Variants in SPRYD4 observed in about 807,000 individuals in gnomAD.
SPRYD4 encodes SPRY domain-containing protein 4.
SPRYD4 carries 12 observed loss-of-function variants against 16.6 expected under a neutral mutation model. That is an observed-to-expected ratio of 0.72 (90% CI 0.46 to 1.17). The LOEUF (loss-of-function observed/expected upper bound fraction) is 1.17. SPRYD4 is among the 50% of genes most tolerant of loss of function. SPRYD4 has a pLI of 0.00. For missense variants in SPRYD4, 260 were observed against 260.2 expected, an observed-to-expected ratio of 1.00 and a Z score of 0.00; for synonymous variants, 98 against 105.4, an observed-to-expected ratio of 0.93 and a Z score of 0.43.
In SPRYD4 at chr12:56,472,571, C is replaced by A; in HGVS notation, c.*2994C>A. The A allele has an allele frequency of 3.5e-6, 3 of 859,150 alleles. No homozygotes were observed. The highest frequency in any genetic ancestry group is 3.7e-6 in the Non-Finnish European group (2 of 543,364). The allele number at this position is 859,150 out of a possible 1,614,324, so 53.2% of individuals were successfully genotyped here. ...TTTTTAAAAAAATTTCATTTAAATG[C>A]AATCTATATCCATTCTAATTCCAAA... On this transcript the variant is annotated 3_prime_UTR_variant, in exon 2 of 2. Coordinates refer to ENST00000338146, the MANE Select transcript of SPRYD4 (RefSeq NM_207344.4).
Position 56,477,949 on chromosome 12 carries a change from G to C in SPRYD4, c.*8372G>C, listed in dbSNP as rs190705191. ...AGTGCTCACCTTCCTCATTGAGGGA[G>C]AGCTTGTTGTAGCGCAGGCCACTTG... On this transcript the variant is annotated 3_prime_UTR_variant, in exon 2 of 2. Transcript: ENST00000338146. 3 of 1,613,586 alleles carry C rather than the reference G, an allele frequency of 1.9e-6. No homozygotes were observed. Among genetic ancestry groups the C allele is most frequent in the African/African-American group, 2.7e-5 (2 of 75,070 alleles).
Position 56,479,476 on chromosome 12 carries a change from GTATATT to G in SPRYD4, c.*9905_*9910del, listed in dbSNP as rs1384465185. On this transcript the variant is annotated 3_prime_UTR_variant, in exon 2 of 2. Transcript: ENST00000338146. Reference sequence around the variant, plus strand: ...ATTTAAAAAATCCTAAATCATAAAAGTATATTTATATATATTCATGTATGTATGTCA... The same window carrying G: ...ATTTAAAAAATCCTAAATCATAAAAGTATATATATTCATGTATGTATGTCA... 5.2e-6 allele frequency: 2 copies of G among 381,958 alleles called. No homozygotes were observed. Among genetic ancestry groups the G allele is most frequent in the African/African-American group, 2.1e-5 (1 of 48,332 alleles). 23.7% of individuals were successfully genotyped at this position (381,958 alleles called of 1,614,324 possible). A position where few individuals can be genotyped will look rare whatever the true frequency, so the allele number is the denominator to read the frequency against.
In SPRYD4 at chr12:56,478,157, C is replaced by A; in HGVS notation, c.*8580C>A. 6.2e-7 allele frequency: 1 copy of A among 1,614,236 alleles called. No individual in the cohort carries two copies. Among genetic ancestry groups the A allele is most frequent in the Non-Finnish European group, 8.5e-7 (1 of 1,180,040 alleles). On this transcript the variant is annotated 3_prime_UTR_variant, in exon 2 of 2. Transcript: ENST00000338146. Reference sequence around the variant, plus strand: ...TGTGTTCGGCACCTGTGCCCTGCCTCCCCTTCCTCTTGCCCAGCATCTCAC... The same window carrying A: ...TGTGTTCGGCACCTGTGCCCTGCCTACCCTTCCTCTTGCCCAGCATCTCAC...
chr12:56,468,744 C>A, intron 1 of SPRYD4, 68 bp downstream of exon 1: 2 of 1,533,338 alleles, frequency 1.3e-6, no homozygotes, highest in Non-Finnish European at 9.0e-7. Context: ...AGACCCCACT[C>A]CGAGAAGCAA....
At chr12:56,468,996 T>G (rs1592269348) in intron 1 of SPRYD4, 43 bp from the exon 2 acceptor site, 1 of 1,527,070 alleles carries the variant, frequency 6.5e-7, no homozygotes, top group Non-Finnish European at 8.8e-7. Flanking sequence ...AGCCCTAGGG[T>G]TCTAGCCCCT....
In SPRYD4 at chr12:56,473,469, G is replaced by T; in HGVS notation, c.*3892G>T. ...TATATGCAAAGCATCTCACCTGGCA[G>T]AAGCTGGTCCCCCTATGGCTGTTCC... On this transcript the variant is annotated 3_prime_UTR_variant, in exon 2 of 2. Transcript: ENST00000338146. 1 of 1,611,260 alleles carries T rather than the reference G, an allele frequency of 6.2e-7. No individual in the cohort carries two copies. The highest frequency in any genetic ancestry group is 8.5e-7 in the Non-Finnish European group (1 of 1,178,312).
chr12:56,474,635 T>C lies in SPRYD4; in HGVS notation c.*5058T>C. On this transcript the variant is annotated 3_prime_UTR_variant, in exon 2 of 2. Coordinates refer to ENST00000338146, the MANE Select transcript of SPRYD4 (RefSeq NM_207344.4). The stretch of plus-strand genomic sequence containing the variant: ...CACTGCTTCAGCACTCAGCACACTC[T>C]CGCCTGTGATGGGGCAGATCCCACC... The C allele has an allele frequency of 6.2e-7, 1 of 1,614,156 alleles. No individual in the cohort carries two copies. Among genetic ancestry groups the C allele is most frequent in the Non-Finnish European group, 8.5e-7 (1 of 1,180,006 alleles).
chr12:56,473,184 T>C lies in SPRYD4; in HGVS notation c.*3607T>C, dbSNP rs762810451. On this transcript the variant is annotated 3_prime_UTR_variant, in exon 2 of 2. Transcript: ENST00000338146. ...GATTACAGGCGTGAGCCACCGCACCTGGCCTTTGAAATATTCTTACAAGCC... is the reference window on the plus strand; with the variant it reads ...GATTACAGGCGTGAGCCACCGCACCCGGCCTTTGAAATATTCTTACAAGCC... 5.1e-6 allele frequency: 8 copies of C among 1,578,796 alleles called. No individual in the cohort carries two copies. Among genetic ancestry groups the C allele is most frequent in the South Asian group, 2.2e-5 (2 of 90,196 alleles).
rs371114386 is a variant in SPRYD4 at position 56,471,680 on chromosome 12, G to A, written c.*2103G>A. ...AATGATATGATCAGGCAAAGGAGAC[G>A]TGGAGAGTGGTGGTTGTATATATTT... On this transcript the variant is annotated 3_prime_UTR_variant, in exon 2 of 2. Transcript: ENST00000338146. 47 of 1,612,546 alleles carry A rather than the reference G, an allele frequency of 2.9e-5. No homozygotes were observed. The African/African-American group carries it at 3.2e-4, about 11-fold the overall frequency.
Position 56,479,257 on chromosome 12 carries a change from G to C in SPRYD4, c.*9680G>C. On this transcript the variant is annotated 3_prime_UTR_variant, in exon 2 of 2. Transcript: ENST00000338146. The stretch of plus-strand genomic sequence containing the variant: ...CTCACTCTGGAGCCACGGAAATTGG[G>C]AATAAAGAAGGTTGAGTGGTCTTCA... 1.3e-6 allele frequency: 2 copies of C among 1,560,036 alleles called. No homozygotes were observed. The highest frequency in any genetic ancestry group is 2.3e-5 in the South Asian group (2 of 85,446).
chr12:56,477,605 A>T lies in SPRYD4; in HGVS notation c.*8028A>T, dbSNP rs891641702. 6.5e-7 allele frequency: 1 copy of T among 1,534,968 alleles called. No individual in the cohort carries two copies. The highest frequency in any genetic ancestry group is 8.9e-7 in the Non-Finnish European group (1 of 1,119,692). On this transcript the variant is annotated 3_prime_UTR_variant, in exon 2 of 2. Transcript: ENST00000338146. ...AGAGCTGAACAAATATGAGGGATAC[A>T]GGAACACAGGAGCTTAGAGGATAAT...
rs112513236 is a variant in SPRYD4 at position 56,471,117 on chromosome 12, C to T, written c.*1540C>T. The T allele has an allele frequency of 1.9e-4, 75 of 390,574 alleles. No homozygotes were observed. The Middle Eastern group carries it at 2.7e-3, about 14-fold the overall frequency. 24.2% of individuals were successfully genotyped at this position (390,574 alleles called of 1,614,324 possible). A position where few individuals can be genotyped will look rare whatever the true frequency, so the allele number is the denominator to read the frequency against. On this transcript the variant is annotated 3_prime_UTR_variant, in exon 2 of 2. Coordinates refer to ENST00000338146, the MANE Select transcript of SPRYD4 (RefSeq NM_207344.4). Reference sequence around the variant, plus strand: ...ACTTCCCATATTCTGTGGATATGTACATGTGCATGGTAGCTAGAGTCCCTC... The same window carrying T: ...ACTTCCCATATTCTGTGGATATGTATATGTGCATGGTAGCTAGAGTCCCTC...
Position 56,475,475 on chromosome 12 carries a change from T to C in SPRYD4, c.*5898T>C. 2.6e-6 allele frequency: 2 copies of C among 775,182 alleles called. No homozygotes were observed. Among genetic ancestry groups the C allele is most frequent in the Non-Finnish European group, 4.2e-6 (2 of 479,894 alleles). The allele number at this position is 775,182 out of a possible 1,614,324, so 48.0% of individuals were successfully genotyped here. ...ATTTTACAAGATAAACAAATGTTTA[T>C]GAAGGGACTCAGAGGAAGCTGGAGG... On this transcript the variant is annotated 3_prime_UTR_variant, in exon 2 of 2. Coordinates refer to ENST00000338146, the MANE Select transcript of SPRYD4 (RefSeq NM_207344.4).
In SPRYD4 at chr12:56,474,588, G is replaced by A. The variant is rs762929027; in HGVS notation, c.*5011G>A. ...GAGAAGTCATACATGCCGCAGGAAT[G>A]CATGAGGCTGAGGGTGTTGCGCACT... On this transcript the variant is annotated 3_prime_UTR_variant, in exon 2 of 2. Coordinates refer to ENST00000338146, the MANE Select transcript of SPRYD4 (RefSeq NM_207344.4). The A allele has an allele frequency of 6.2e-7, 1 of 1,614,168 alleles. No homozygotes were observed. The highest frequency in any genetic ancestry group is 8.5e-7 in the Non-Finnish European group (1 of 1,180,040).
Position 56,475,775 on chromosome 12 carries a change from G to T in SPRYD4, c.*6198G>T. ...ACTAGCCCTTCTGAACTCAGGTCTT[G>T]TCAAGAGGCTTTCCTCTCTGAGGCC... On this transcript the variant is annotated 3_prime_UTR_variant, in exon 2 of 2. Transcript: ENST00000338146. 6.9e-7 allele frequency: 1 copy of T among 1,449,178 alleles called. No individual in the cohort carries two copies. Among genetic ancestry groups the T allele is most frequent in the Non-Finnish European group, 9.6e-7 (1 of 1,041,064 alleles). 89.8% of individuals were successfully genotyped at this position (1,449,178 alleles called of 1,614,324 possible).
In SPRYD4 at chr12:56,470,595, G is replaced by A. The variant is rs995860206; in HGVS notation, c.*1018G>A. 2.6e-5 allele frequency: 4 copies of A among 152,210 alleles called. No homozygotes were observed. The highest frequency in any genetic ancestry group is 9.7e-5 in the African/African-American group (4 of 41,448). The allele number at this position is 152,210 out of a possible 1,614,324, so 9.4% of individuals were successfully genotyped here. A position where few individuals can be genotyped will look rare whatever the true frequency, so the allele number is the denominator to read the frequency against. ...CCACCTTGGCCTCCCAAAGTGCTGG[G>A]ATTTCAGGCGTGAGCCACCACACCC... On this transcript the variant is annotated 3_prime_UTR_variant, in exon 2 of 2. Transcript: ENST00000338146.
At position 56,474,463 on chromosome 12, in the gene SPRYD4, C is replaced by T. The variant is rs1215683049; in HGVS notation, c.*4886C>T. The T allele has an allele frequency of 5.8e-6, 9 of 1,547,024 alleles. No individual in the cohort carries two copies. The highest frequency in any genetic ancestry group is 2.3e-5 in the South Asian group (2 of 87,372). On this transcript the variant is annotated 3_prime_UTR_variant, in exon 2 of 2. Coordinates refer to ENST00000338146, the MANE Select transcript of SPRYD4 (RefSeq NM_207344.4). ...TGAATGAGAGGCAGGAACAAGCTTC[C>T]ACCTCTATCTTGAGAGAGTCAGTGT...
rs1022511866 is a variant in SPRYD4 at position 56,470,242 on chromosome 12, CTG to C, written c.*667_*668del. On this transcript the variant is annotated 3_prime_UTR_variant, in exon 2 of 2. Transcript: ENST00000338146. Reference sequence around the variant, plus strand: ...TCTGTACCTCTGACACCCAGCCAGTCTGTCATAATCATTATCCCAGTTATAAC... The same window carrying C: ...TCTGTACCTCTGACACCCAGCCAGTCTCATAATCATTATCCCAGTTATAAC... 6.6e-6 allele frequency: 1 copy of C among 152,260 alleles called. No individual in the cohort carries two copies. Among genetic ancestry groups the C allele is most frequent in the Admixed American group, 6.7e-5 (1 of 14,992 alleles). 9.4% of individuals were successfully genotyped at this position (152,260 alleles called of 1,614,324 possible).
Position 56,469,059 on chromosome 12 carries a change from G to A in SPRYD4, c.106G>A (p.Glu36Lys), listed in dbSNP as rs1263597280. The A allele has an allele frequency of 9.5e-6, 15 of 1,572,712 alleles. 1 individual carries two copies. Among genetic ancestry groups the A allele is most frequent in the Middle Eastern group, 1.7e-4 (1 of 5,798 alleles). ...AQRGVSFKLE[E>K]KTAHSSLALF... The stretch of plus-strand genomic sequence containing the variant: ...CGCAGGCGTCAGTTTCAAACTGGAA[G>A]AAAAAACCGCCCACAGCAGCCTGGC... The change falls in exon 2 of 2, where the codon GAA becomes AAA. Residue 36 changes from glutamate (E) to lysine (K), a missense_variant. By Grantham distance (56) the Glu-to-Lys change is moderately conservative (BLOSUM62 1). Transcript: ENST00000338146.
Sources: gnomAD v4.1 joint callset for allele counts on GRCh38, gnomAD v4.1.1 for gene constraint, MANE v1.5 for transcripts, NCBI Gene and HGNC (gene_info 2026-07-23, HGNC 2026-07-21) for gene names.